The following RSPO2 variants were observed in gnomAD, a reference collection of about 807,000 sequenced individuals.
The protein encoded by RSPO2 is R-spondin-2.
Under a neutral mutation model 30.9 loss-of-function variants are expected in RSPO2, and 14 were observed. The ratio of observed to expected loss-of-function variants is 0.45; its 90% CI spans 0.30 to 0.71. RSPO2 has a LOEUF of 0.71. Ranked by LOEUF, RSPO2 falls within the 30% of genes least tolerant of loss-of-function variation. The probability of loss-of-function intolerance (pLI) is 0.08; values close to 1 mark genes in which losing one functional copy is unlikely to be tolerated. For missense variants in RSPO2, 264 were observed against 301.9 expected (o/e 0.87, Z 0.93); for synonymous variants, 107 against 96.4 (o/e 1.11, Z -0.64).
chr8:107,958,004 TGGAAGGGAAGG>T, intron 5 of RSPO2, 65 bp downstream of exon 5: 1 of 983,648 alleles, frequency 1.0e-6, no homozygotes, highest in Admixed American at 2.5e-5. Context: ...TACTTATTTT[TGGAAGGGAAGG>T]TGGTTAGGAA....
intron 4 of RSPO2, among the ~76,000 whole-genome samples, chr8:107,959,593 G>A (rs1020545230): frequency 6.6e-6 from 1 of 152,010 alleles, no homozygotes; most frequent in Admixed American, 6.6e-5. Context: ...TTTTATTCAG[G>A]GAATGCATAA....
chr8:107,940,539 T>C (rs539443501), intron 5 of RSPO2, among the ~76,000 whole-genome samples: 2 of 152,326 alleles, frequency 1.3e-5, no homozygotes, highest in South Asian at 4.1e-4. Context: ...AGTTTTCTAA[T>C]TAAAAAGTCA....
intron 2 of RSPO2, among the ~76,000 whole-genome samples, chr8:107,995,745 C>T (rs978066811): frequency 6.6e-6 from 1 of 152,030 alleles, no homozygotes; most frequent in African/African-American, 2.4e-5. Flanking sequence ...GATTCTGACC[C>T]TCACCTTTGT....
chr8:108,041,934 T>C (rs1563575745), intron 2 of RSPO2, among the ~76,000 whole-genome samples: 1 of 152,258 alleles, frequency 6.6e-6, no homozygotes, highest in East Asian at 1.9e-4. Flanking sequence ...TTTAGAATCC[T>C]GGGTCTACCA....
chr8:107,976,326 TAGAG>T (rs1386205442), intron 3 of RSPO2, among the ~76,000 whole-genome samples: 1 of 152,222 alleles, frequency 6.6e-6, no homozygotes, highest in Non-Finnish European at 1.5e-5. Context: ...GCATTAGAGT[TAGAG>T]AGAATCCTAG....
intron 2 of RSPO2, among the ~76,000 whole-genome samples, chr8:108,035,777 G>T (rs555141344): frequency 1.5e-3 from 232 of 152,170 alleles, no homozygotes; most frequent in Non-Finnish European, 2.4e-3. Flanking sequence ...TTAAATTTTT[G>T]ATTCCTAGAC....
chr8:108,028,138 C>A (rs181956714), intron 2 of RSPO2, among the ~76,000 whole-genome samples: 3 of 152,214 alleles, frequency 2.0e-5, no homozygotes, highest in Admixed American at 2.0e-4. Flanking sequence ...CTACTGATAC[C>A]CAGAGTCTTA....
At chr8:107,996,812 G>A (rs1323543496) in intron 2 of RSPO2, 19 of 380,910 alleles carry the variant, frequency 5.0e-5, no homozygotes, top group Admixed American at 9.3e-5. Flanking sequence ...TCAACAAACT[G>A]TGCCCTGCAT....
At chr8:108,001,148 C>T (rs1325589300) in intron 2 of RSPO2, among the ~76,000 whole-genome samples, 4 of 152,206 alleles carry the variant, frequency 2.6e-5, no homozygotes, top group Admixed American at 2.0e-4. Context: ...GCCAAGATCG[C>T]GCCCCTGCAC....
At chr8:107,942,615 A>G (rs1227854589) in intron 5 of RSPO2, among the ~76,000 whole-genome samples, 3 of 152,208 alleles carry the variant, frequency 2.0e-5, no homozygotes, top group African/African-American at 7.2e-5. Context: ...ATACAAAATC[A>G]TGTTTGCCCC....
intron 5 of RSPO2, among the ~76,000 whole-genome samples, chr8:107,930,103 C>T (rs485608): frequency 0.66 from 101,014 of 151,992 alleles, 35,584 homozygotes; most frequent in East Asian, 0.9. Flanking sequence ...CATTAATATG[C>T]GCCCATGTAC....
chr8:107,914,858 G>GA (rs1185331400), intron 5 of RSPO2, among the ~76,000 whole-genome samples: 6 of 151,838 alleles, frequency 4.0e-5, no homozygotes, highest in Non-Finnish European at 8.8e-5. Flanking sequence ...TCTTCCTGTA[G>GA]AAAAAAAATT....
chr8:107,957,034 G>A (rs1464088378), intron 5 of RSPO2, among the ~76,000 whole-genome samples: 1 of 152,130 alleles, frequency 6.6e-6, no homozygotes, highest in South Asian at 2.1e-4. Flanking sequence ...TCTGAATCTG[G>A]ATCTAATAGT....
At chr8:107,968,424 T>G (rs1473194755) in intron 3 of RSPO2, among the ~76,000 whole-genome samples, 1 of 152,082 alleles carries the variant, frequency 6.6e-6, no homozygotes, top group Non-Finnish European at 1.5e-5. Context: ...GAGAGTAGAA[T>G]GGTGGTTACC....
chr8:108,083,105 G>A (rs923936066), intron 1 of RSPO2, 92 bp downstream of exon 1: 1 of 157,360 alleles, frequency 6.4e-6, no homozygotes, highest in Non-Finnish European at 1.4e-5. Context: ...CACTGAGAGC[G>A]CAGGGCTAAA....
intron 5 of RSPO2, among the ~76,000 whole-genome samples, chr8:107,928,103 A>G (rs1391652375): frequency 1.3e-5 from 2 of 152,120 alleles, no homozygotes; most frequent in Non-Finnish European, 2.9e-5. Flanking sequence ...AAAGTATTTT[A>G]GAGACCCATG....
chr8:108,017,244 CA>C lies in RSPO2; in HGVS notation c.95-28001del, dbSNP rs1158301750. ...GTGTTAGCCAAGATGGTCTCGATCTCATGACCTCGTGATCTGCCTGCCTCGG... is the reference window on the plus strand; with the variant it reads ...GTGTTAGCCAAGATGGTCTCGATCTCTGACCTCGTGATCTGCCTGCCTCGG... On this transcript the variant is annotated intron_variant, in intron 2 of 5. Coordinates refer to ENST00000276659, the MANE Select transcript of RSPO2 (RefSeq NM_178565.5). 7.2e-5 allele frequency among the ~76,000 whole-genome samples: 11 copies of C among 152,248 alleles called. No individual in the cohort carries two copies. The East Asian group carries it at 2.1e-3, about 30-fold the overall frequency.
At chr8:107,993,030 TTCA>T (rs1814898732) in intron 2 of RSPO2, among the ~76,000 whole-genome samples, 1 of 152,184 alleles carries the variant, frequency 6.6e-6, no homozygotes, top group Non-Finnish European at 1.5e-5. Flanking sequence ...GAAAAACATG[TTCA>T]TGTCTCTATA....
At chr8:108,073,117 T>C (rs1274980339) in intron 2 of RSPO2, 2 of 152,250 alleles carry the variant, frequency 1.3e-5, no homozygotes, top group African/African-American at 4.8e-5. Flanking sequence ...TGGTGAGGTC[T>C]TGTCAAAAGG....
Sources: allele counts gnomAD v4.1 joint callset (sites outside exome capture counted in the v4.1 genomes callset), GRCh38; gene constraint gnomAD v4.1.1; transcripts MANE v1.5; gene names NCBI Gene and HGNC (gene_info 2026-07-23, HGNC 2026-07-21).